The following DDR2 variants were observed in gnomAD, a reference collection of about 807,000 sequenced individuals.
The protein encoded by DDR2 is discoidin domain receptor tyrosine kinase 2.
DDR2 carries 27 observed loss-of-function variants against 94.9 expected under a neutral mutation model. The ratio of observed to expected loss-of-function variants is 0.28; its 90% confidence interval spans 0.21 to 0.39. The LOEUF (loss-of-function observed/expected upper bound fraction) is 0.39, where lower values mean the gene tolerates loss of function less well. Ranked by LOEUF, DDR2 falls within the 10% of genes least tolerant of loss-of-function variation. The pLI is 1.00. For missense variants in DDR2, 783 were observed against 1,076.0 expected (o/e 0.73, Z 3.81); for synonymous variants, 382 against 377.2 (o/e 1.01, Z -0.15).
chr1:162,769,116 G>T (rs570311306), intron 11 of DDR2, among the ~76,000 whole-genome samples: 1 of 152,298 alleles, frequency 6.6e-6, no homozygotes, highest in South Asian at 2.1e-4. Flanking sequence ...ATACTTCTCT[G>T]AGTCTTTATT....
At chr1:162,723,743 A>G (rs1053903474) in intron 3 of DDR2, among the ~76,000 whole-genome samples, 6 of 152,122 alleles carry the variant, frequency 3.9e-5, no homozygotes, top group Admixed American at 1.3e-4. Context: ...GGCCTTTAGG[A>G]TCCATGGTAT....
chr1:162,670,160 G>T (rs1482437245), intron 2 of DDR2, among the ~76,000 whole-genome samples: 3 of 152,180 alleles, frequency 2.0e-5, no homozygotes, highest in African/African-American at 7.2e-5. Flanking sequence ...GCCCAGGCTG[G>T]AGTGCAGTGG....
At chr1:162,747,101 A>G (rs1662911001) in intron 3 of DDR2, among the ~76,000 whole-genome samples, 1 of 152,198 alleles carries the variant, frequency 6.6e-6, no homozygotes, top group East Asian at 1.9e-4. Flanking sequence ...AAATCAGAGC[A>G]CCTCTTCTCC....
intron 8 of DDR2, among the ~76,000 whole-genome samples, chr1:162,760,287 T>C (rs1460156831): frequency 1.3e-5 from 2 of 151,966 alleles, no homozygotes; most frequent in Non-Finnish European, 1.5e-5. Flanking sequence ...ATAAAAATGC[T>C]CTAATTTCTT....
At chr1:162,747,189 G>A (rs150722454) in intron 3 of DDR2, among the ~76,000 whole-genome samples, 2 of 152,192 alleles carry the variant, frequency 1.3e-5, no homozygotes, top group East Asian at 3.9e-4. Context: ...ACAGAAGTAG[G>A]CTTAAAAATA....
At chr1:162,691,484 A>T (rs1465830911) in intron 2 of DDR2, among the ~76,000 whole-genome samples, 2 of 152,224 alleles carry the variant, frequency 1.3e-5, no homozygotes, top group Non-Finnish European at 2.9e-5. Context: ...ATTTATGTGG[A>T]GTCCTAAAAG....
intron 16 of DDR2, among the ~76,000 whole-genome samples, chr1:162,778,298 C>G (rs972337190): frequency 6.6e-6 from 1 of 152,144 alleles, no homozygotes; most frequent in South Asian, 2.1e-4. Context: ...CCCAAGGCTA[C>G]CCTAGAGTTG....
intron 3 of DDR2, among the ~76,000 whole-genome samples, chr1:162,745,349 C>T (rs191811999): frequency 3.0e-4 from 45 of 151,980 alleles, no homozygotes; most frequent in African/African-American, 6.0e-4. Context: ...ATTGTAGTTC[C>T]GCCTGTTTTT....
intron 2 of DDR2, among the ~76,000 whole-genome samples, chr1:162,691,094 A>G (rs761121996): frequency 3.9e-5 from 6 of 152,196 alleles, no homozygotes; most frequent in Non-Finnish European, 7.3e-5. Flanking sequence ...GGAGGGAACA[A>G]CAAAGGACAT....
At chr1:162,752,065 C>A (rs1663236573) in intron 3 of DDR2, among the ~76,000 whole-genome samples, 1 of 151,378 alleles carries the variant, frequency 6.6e-6, no homozygotes, top group African/African-American at 2.4e-5. Flanking sequence ...TTAATGGGTG[C>A]AGCACACCAA....
At chr1:162,729,390 T>C (rs1375587291) in intron 3 of DDR2, among the ~76,000 whole-genome samples, 1 of 148,690 alleles carries the variant, frequency 6.7e-6, no homozygotes, top group East Asian at 2.0e-4. Context: ...AGAGTATGGA[T>C]GTGGCAAGAT....
At chr1:162,748,700 A>G (rs949413905) in intron 3 of DDR2, among the ~76,000 whole-genome samples, 6 of 152,230 alleles carry the variant, frequency 3.9e-5, no homozygotes, top group Non-Finnish European at 8.8e-5. Context: ...AGCAGCATAT[A>G]CATTCTTCTC....
At chr1:162,701,928 G>A (rs1486111372) in intron 2 of DDR2, among the ~76,000 whole-genome samples, 3 of 152,046 alleles carry the variant, frequency 2.0e-5, no homozygotes, top group East Asian at 1.9e-4. Flanking sequence ...TGAAACATTC[G>A]AAGGTCTTTC....
intron 8 of DDR2, 42 bp downstream of exon 8, chr1:162,760,021 C>G: frequency 6.2e-7 from 1 of 1,613,412 alleles, no homozygotes; most frequent in Non-Finnish European, 8.5e-7. Context: ...TAAGGAGGCA[C>G]AAATCATAGT....
intron 7 of DDR2, among the ~76,000 whole-genome samples, chr1:162,757,716 G>A (rs1663528071): frequency 6.6e-6 from 1 of 152,132 alleles, no homozygotes; most frequent in Admixed American, 6.6e-5. Context: ...GCATGCAAAG[G>A]TTAGATTGGA....
At chr1:162,713,264 C>T (rs1486447344) in intron 2 of DDR2, among the ~76,000 whole-genome samples, 4 of 152,194 alleles carry the variant, frequency 2.6e-5, no homozygotes, top group Admixed American at 1.3e-4. Context: ...CGTGTTCCCC[C>T]CACACCTCCA....
intron 2 of DDR2, among the ~76,000 whole-genome samples, chr1:162,673,715 A>C (rs1343601208): frequency 6.7e-6 from 1 of 150,330 alleles, no homozygotes; most frequent in Non-Finnish European, 1.5e-5. Context: ...TTTTCCCTTC[A>C]CCTACAGCAC....
rs369841546 is a variant in DDR2 at position 162,781,394 on chromosome 1, T to C, written c.*1148T>C. On this transcript the variant is annotated 3_prime_UTR_variant, in exon 18 of 18. Coordinates refer to ENST00000367921, the MANE Select transcript of DDR2 (RefSeq NM_006182.4). ...TTACAGGGAGACTGATTTCCATTCC[T>C]TATTGGGGAAAACGAAGCACTCAGA... The C allele has an allele frequency of 3.3e-5, 5 of 152,216 alleles. No individual in the cohort carries two copies. The highest frequency in any genetic ancestry group is 7.3e-5 in the Non-Finnish European group (5 of 68,062). The allele number at this position is 152,216 out of a possible 1,614,324, so 9.4% of individuals were successfully genotyped here.
intron 2 of DDR2, among the ~76,000 whole-genome samples, chr1:162,656,835 T>TTTTTTG (rs1657995638): frequency 1.1e-5 from 1 of 88,566 alleles, no homozygotes; most frequent in Non-Finnish European, 2.4e-5. Context: ...CCACTGGAGT[T>TTTTTTG]TTTTTTTTTT....
Sources: allele counts gnomAD v4.1 joint callset (sites outside exome capture counted in the v4.1 genomes callset), GRCh38; gene constraint gnomAD v4.1.1; transcripts MANE v1.5; gene names NCBI Gene and HGNC (gene_info 2026-07-23, HGNC 2026-07-21).